Variants in FLNB observed in about 807,000 individuals in gnomAD.
The protein encoded by FLNB is filamin-B.
In FLNB, 111 loss-of-function variants were observed where a neutral mutation model predicts 250.6. The ratio of observed to expected loss-of-function variants is 0.44; its 90% CI spans 0.38 to 0.52. The LOEUF is 0.52. Ranked by LOEUF, FLNB falls within the 20% of genes least tolerant of loss-of-function variation. FLNB has a pLI of 0.00. For missense variants in FLNB, 2,869 were observed against 3,447.8 expected (o/e 0.83, Z 4.20); for synonymous variants, 1,302 against 1,372.1 (o/e 0.95, Z 1.13).
At chr3:58,009,200 G>C (rs993644354) in intron 1 of FLNB, among the ~76,000 whole-genome samples, 2 of 152,154 alleles carry the variant, frequency 1.3e-5, no homozygotes, top group Non-Finnish European at 2.9e-5. Context: ...ACCCTCGTTC[G>C]CTGTCCCCGG....
In FLNB at chr3:58,106,820, A is replaced by G. The variant is rs1186799910; in HGVS notation, c.1888A>G (p.Ser630Gly). The G allele has an allele frequency of 3.1e-6, 5 of 1,614,036 alleles. No homozygotes were observed. The East Asian group carries it at 1.1e-4, about 36-fold the overall frequency. ...GTGTGACGACGAAGACATCAAGGAC[A>G]GCCCGTACATGGCCTTCATCCACCC... ...IMCDDEDIKD[S>G]PYMAFIHPAT... is the part of the protein sequence containing the mutation. Residue 630 changes from serine (S) to glycine (G), a missense_variant, in exon 12 of 46, where the codon AGC becomes GGC. Transcript: ENST00000295956.
At chr3:58,091,710 A>G (rs1410686630) in intron 4 of FLNB, among the ~76,000 whole-genome samples, 2 of 152,270 alleles carry the variant, frequency 1.3e-5, no homozygotes, top group African/African-American at 2.4e-5. Context: ...AAGACTCAAC[A>G]TGGTACATGG....
chr3:58,105,686 G>A (rs975650986), intron 11 of FLNB, among the ~76,000 whole-genome samples: 1 of 152,146 alleles, frequency 6.6e-6, no homozygotes, highest in African/African-American at 2.4e-5. Flanking sequence ...TTCCACCTGT[G>A]GGCCTTATGG....
intron 3 of FLNB, 43 bp downstream of exon 3, chr3:58,078,857 A>T (rs1559677676): frequency 1.3e-6 from 2 of 1,495,668 alleles, no homozygotes; most frequent in Admixed American, 1.8e-5. Flanking sequence ...GCCCCCACCC[A>T]CTAGCTTGTT....
At chr3:58,054,814 T>C (rs1251633152) in intron 1 of FLNB, among the ~76,000 whole-genome samples, 3 of 152,202 alleles carry the variant, frequency 2.0e-5, no homozygotes, top group Non-Finnish European at 4.4e-5. Flanking sequence ...GGGAAAACTA[T>C]GGCATGGGGG....
intron 18 of FLNB, among the ~76,000 whole-genome samples, chr3:58,117,794 T>G (rs2097281324): frequency 6.6e-6 from 1 of 151,962 alleles, no homozygotes; most frequent in South Asian, 2.1e-4. Flanking sequence ...CAACCAGTTT[T>G]TTTTTTTTTT....
chr3:58,031,409 A>AT (rs760112660), intron 1 of FLNB, among the ~76,000 whole-genome samples: 1,561 of 151,468 alleles, frequency 0.01, 24 homozygotes, highest in African/African-American at 0.034. Context: ...CGCCTGGCTA[A>AT]TTTTTTGTAT....
intron 45 of FLNB, among the ~76,000 whole-genome samples, chr3:58,170,237 CCTTA>C (rs1377895874): frequency 2.6e-5 from 4 of 152,144 alleles, no homozygotes; most frequent in Non-Finnish European, 5.9e-5. Context: ...TTAGAATAGC[CCTTA>C]CTGTGTGCTA....
intron 18 of FLNB, among the ~76,000 whole-genome samples, chr3:58,114,019 A>C (rs970998967): frequency 2.0e-5 from 3 of 151,726 alleles, no homozygotes; most frequent in African/African-American, 7.3e-5. Flanking sequence ...TTTTCTTCCT[A>C]TATGTCCTCC....
At chr3:58,067,360 T>C (rs1464963541) in intron 1 of FLNB, among the ~76,000 whole-genome samples, 1 of 152,168 alleles carries the variant, frequency 6.6e-6, no homozygotes, top group Non-Finnish European at 1.5e-5. Flanking sequence ...CAGTGATGGA[T>C]AAAAATTAAT....
chr3:58,032,906 T>C (rs9819106), intron 1 of FLNB, among the ~76,000 whole-genome samples: 113,834 of 151,862 alleles, frequency 0.75, 43,683 homozygotes, highest in East Asian at 0.95. Context: ...CCATCTCTAC[T>C]CCCTTCCCCG....
intron 2 of FLNB, chr3:58,078,141 C>A (rs2097204281): frequency 2.4e-6 from 1 of 417,032 alleles, no homozygotes; most frequent in Non-Finnish European, 3.2e-6. Context: ...AAGTTGGTGT[C>A]ATCCAGGAAA....
At chr3:58,070,337 C>T (rs2097192330) in intron 1 of FLNB, among the ~76,000 whole-genome samples, 1 of 152,140 alleles carries the variant, frequency 6.6e-6, no homozygotes, top group African/African-American at 2.4e-5. Flanking sequence ...AGCCACTGTG[C>T]CCGGCCGACA....
At chr3:58,037,721 A>G (rs2097140107) in intron 1 of FLNB, among the ~76,000 whole-genome samples, 1 of 152,170 alleles carries the variant, frequency 6.6e-6, no homozygotes, top group Non-Finnish European at 1.5e-5. Context: ...GCTTTTTTAG[A>G]TCACTGGCAT....
rs745998302 is a variant in FLNB at position 58,171,660 on chromosome 3, C to T, written c.*898C>T. The stretch of plus-strand genomic sequence containing the variant: ...TGTTTAAAGTGATCTCAGAGGGGCC[C>T]ATGGATTAACGCCCTCATCCCAAGG... On this transcript the variant is annotated 3_prime_UTR_variant, in exon 46 of 46. Transcript: ENST00000295956. This position sits in a 1 kb window ranked among gnomAD's most constrained non-coding sequence, Gnocchi z 5.5. 6.6e-6 allele frequency: 1 copy of T among 152,272 alleles called. No individual in the cohort carries two copies. The highest frequency in any genetic ancestry group is 1.5e-5 in the Non-Finnish European group (1 of 68,082). The allele number at this position is 152,272 out of a possible 1,614,324, so 9.4% of individuals were successfully genotyped here.
At chr3:58,049,642 G>A (rs2097159232) in intron 1 of FLNB, among the ~76,000 whole-genome samples, 1 of 152,184 alleles carries the variant, frequency 6.6e-6, no homozygotes, top group Non-Finnish European at 1.5e-5. Context: ...CCTGTGTGCA[G>A]CCCCCAGCCA....
At chr3:58,150,702 T>C (rs4681795) in intron 38 of FLNB, 143,362 of 201,376 alleles carry the variant, frequency 0.71, 52,998 homozygotes, top group East Asian at 1. Flanking sequence ...TGAATTGTTC[T>C]TCTTGGGCCC....
At chr3:58,129,845 C>T (rs578118638) in intron 24 of FLNB, among the ~76,000 whole-genome samples, 3 of 152,304 alleles carry the variant, frequency 2.0e-5, no homozygotes, top group East Asian at 1.9e-4. Flanking sequence ...TGCTGCCGTT[C>T]GCTGGATGGG....
At chr3:58,081,076 T>G (rs1159013771) in intron 3 of FLNB, among the ~76,000 whole-genome samples, 1 of 152,208 alleles carries the variant, frequency 6.6e-6, no homozygotes, top group Non-Finnish European at 1.5e-5. Context: ...ATTACAGTCA[T>G]GAGCTACCAC....
Sources: allele counts gnomAD v4.1 joint callset (sites outside exome capture counted in the v4.1 genomes callset), GRCh38; gene constraint gnomAD v4.1.1; non-coding constraint Gnocchi (gnomAD v3.1); transcripts MANE v1.5; gene names NCBI Gene and HGNC (gene_info 2026-07-23, HGNC 2026-07-21).